The following NR3C2 variants were observed in gnomAD, a reference collection of about 807,000 sequenced individuals.
NR3C2 encodes the protein nuclear receptor subfamily 3 group C member 2.
Under a neutral mutation model 86.4 loss-of-function variants are expected in NR3C2, and 15 were observed. The ratio of observed to expected loss-of-function variants is 0.17; its 90% confidence interval spans 0.12 to 0.27. The LOEUF is 0.27. NR3C2 is among the 10% of genes least tolerant of loss of function. NR3C2 has a pLI of 1.00. For synonymous variants in NR3C2, 458 were observed against 450.5 expected, an observed-to-expected ratio of 1.02 and a Z score of -0.21; for missense variants, 960 against 1,195.6, an observed-to-expected ratio of 0.80 and a Z score of 2.91.
At chr4:148,336,260 A>C (rs993775169) in intron 2 of NR3C2, among the ~76,000 whole-genome samples, 1 of 152,098 alleles carries the variant, frequency 6.6e-6, no homozygotes, top group Non-Finnish European at 1.5e-5. Context: ...AATAGGGAAG[A>C]CCTAAGGCAG....
At chr4:148,287,624 G>T (rs1741588887) in intron 2 of NR3C2, among the ~76,000 whole-genome samples, 1 of 152,036 alleles carries the variant, frequency 6.6e-6, no homozygotes, top group Non-Finnish European at 1.5e-5. Context: ...ACCATTAAAA[G>T]AAAACTATTT....
chr4:148,217,865 A>C (rs1273531174), intron 3 of NR3C2, among the ~76,000 whole-genome samples: 1 of 152,234 alleles, frequency 6.6e-6, no homozygotes, highest in African/African-American at 2.4e-5. Flanking sequence ...TGTGTAATGG[A>C]CTGCAGCCTT....
intron 3 of NR3C2, among the ~76,000 whole-genome samples, chr4:148,240,036 G>T (rs1205671833): frequency 6.6e-6 from 1 of 151,860 alleles, no homozygotes; most frequent in African/African-American, 2.4e-5. Flanking sequence ...TAACAGAAGA[G>T]CACAGAAGCA....
At chr4:148,338,024 T>A (rs1744577966) in intron 2 of NR3C2, among the ~76,000 whole-genome samples, 1 of 152,202 alleles carries the variant, frequency 6.6e-6, no homozygotes, top group South Asian at 2.1e-4. Flanking sequence ...AGTTTTTCCC[T>A]ATTTGTAGCA....
At chr4:148,104,274 C>A (rs958955312) in intron 8 of NR3C2, among the ~76,000 whole-genome samples, 2 of 148,576 alleles carry the variant, frequency 1.3e-5, no homozygotes, top group African/African-American at 5.0e-5. Context: ...AATTTGAAAT[C>A]TTTACACCTA....
At chr4:148,274,213 C>T (rs572339722) in intron 2 of NR3C2, among the ~76,000 whole-genome samples, 5 of 152,154 alleles carry the variant, frequency 3.3e-5, no homozygotes, top group African/African-American at 9.6e-5. Context: ...CGGGATCTCC[C>T]GTTAAGAACA....
At chr4:148,314,852 C>T (rs1219462505) in intron 2 of NR3C2, among the ~76,000 whole-genome samples, 1 of 152,116 alleles carries the variant, frequency 6.6e-6, no homozygotes, top group East Asian at 1.9e-4. Flanking sequence ...AGAAAACACA[C>T]ATCCAATAAT....
intron 3 of NR3C2, among the ~76,000 whole-genome samples, chr4:148,222,861 G>C (rs761450686): frequency 3.8e-4 from 58 of 152,226 alleles, no homozygotes; most frequent in Non-Finnish European, 7.2e-4. Context: ...GGATTACACA[G>C]CCATTTCAGA....
intron 6 of NR3C2, among the ~76,000 whole-genome samples, chr4:148,121,467 A>G (rs1007355741): frequency 2.0e-5 from 3 of 152,348 alleles, no homozygotes; most frequent in South Asian, 4.1e-4. Context: ...GAGCTTCCAA[A>G]TCTACCATCC....
intron 2 of NR3C2, among the ~76,000 whole-genome samples, chr4:148,330,905 G>C (rs999232358): frequency 6.6e-6 from 1 of 152,090 alleles, no homozygotes; most frequent in Non-Finnish European, 1.5e-5. Context: ...TCCAGCTCTT[G>C]CCATGTGACT....
At chr4:148,319,927 G>T (rs1464286305) in intron 2 of NR3C2, among the ~76,000 whole-genome samples, 3 of 143,362 alleles carry the variant, frequency 2.1e-5, no homozygotes, top group African/African-American at 8.1e-5. Flanking sequence ...GAATAGGAGT[G>T]GTGAGAGAGG....
rs111955522 is a variant in NR3C2 at position 148,241,396 on chromosome 4, C to A, written c.1897+18582G>T. Among the ~76,000 whole-genome samples, 647 of 139,332 alleles carry A rather than the reference C, an allele frequency of 4.6e-3. 9 individuals are homozygous for A. The highest frequency in any genetic ancestry group is 0.017 in the African/African-American group (630 of 37,774). 91.4% of individuals were successfully genotyped at this position (139,332 alleles called of 152,430 possible). Reference sequence around the variant, plus strand: ...TGAGGCCCTACATGATCTAGTAAAACTTAAGTCTCTGCCCCAACTCTAATG... The same window carrying A: ...TGAGGCCCTACATGATCTAGTAAAAATTAAGTCTCTGCCCCAACTCTAATG... On this transcript the variant is annotated intron_variant, in intron 3 of 8. Coordinates refer to ENST00000358102, the MANE Select transcript of NR3C2 (RefSeq NM_000901.5).
intron 2 of NR3C2, among the ~76,000 whole-genome samples, chr4:148,362,922 G>A (rs886292086): frequency 5.9e-5 from 9 of 152,098 alleles, no homozygotes; most frequent in Non-Finnish European, 7.4e-5. Flanking sequence ...TCTACATGCC[G>A]TTCAAACACT....
chr4:148,212,363 A>G (rs145717126), intron 3 of NR3C2, among the ~76,000 whole-genome samples: 160 of 152,346 alleles, frequency 1.1e-3, no homozygotes, highest in Admixed American at 1.5e-3. Flanking sequence ...TGGAACCTAC[A>G]TGGCTCAAGT....
rs368130203 is a variant in NR3C2 at position 148,120,296 on chromosome 4, G to A, written c.2511-8C>T. ...GACTGATGCATCTTCTCTCTGCAAA[G>A]GAAAAGAAGAAAATGTCTGAGAATG... On this transcript the variant is annotated splice_polypyrimidine_tract_variant and splice_region_variant and intron_variant, in intron 6 of 8. Coordinates refer to ENST00000358102, the MANE Select transcript of NR3C2 (RefSeq NM_000901.5). The A allele has an allele frequency of 1.9e-6, 3 of 1,613,950 alleles. No individual in the cohort carries two copies. The highest frequency in any genetic ancestry group is 1.7e-6 in the Non-Finnish European group (2 of 1,179,908).
chr4:148,352,726 G>A (rs766416855), intron 2 of NR3C2, among the ~76,000 whole-genome samples: 2 of 152,064 alleles, frequency 1.3e-5, no homozygotes, highest in Non-Finnish European at 2.9e-5. Flanking sequence ...ATTTTTCATA[G>A]TTTTAAAATC....
chr4:148,308,820 T>C (rs1742766063), intron 2 of NR3C2, among the ~76,000 whole-genome samples: 1 of 151,988 alleles, frequency 6.6e-6, no homozygotes, highest in African/African-American at 2.4e-5. Context: ...ACCCCATCTC[T>C]ACCAAAAATA....
At chr4:148,223,939 G>C (rs111329724) in intron 3 of NR3C2, among the ~76,000 whole-genome samples, 1 of 152,040 alleles carries the variant, frequency 6.6e-6, no homozygotes, top group Admixed American at 6.5e-5. Context: ...AGATCCTATA[G>C]GCAAATGAAC....
At chr4:148,239,186 G>A (rs185243903) in intron 3 of NR3C2, among the ~76,000 whole-genome samples, 10 of 152,112 alleles carry the variant, frequency 6.6e-5, no homozygotes, top group African/African-American at 2.4e-4. Flanking sequence ...GTGAATGCTG[G>A]GTGGGCTCAT....
Sources: allele counts gnomAD v4.1 joint callset (sites outside exome capture counted in the v4.1 genomes callset), GRCh38; gene constraint gnomAD v4.1.1; transcripts MANE v1.5; gene names NCBI Gene and HGNC (gene_info 2026-07-23, HGNC 2026-07-21).